BORCS5: variants seen among roughly 807,000 people sequenced by gnomAD.
BORCS5 encodes BLOC-1-related complex subunit 5.
BORCS5 carries 17 observed loss-of-function variants against 22.1 expected under a neutral mutation model. That is an observed-to-expected ratio of 0.77 (90% CI 0.53 to 1.15). The LOEUF (loss-of-function observed/expected upper bound fraction) is 1.15. Among genes scored for constraint, BORCS5 ranks in the 50% most tolerant of loss-of-function variants. The probability of loss-of-function intolerance (pLI) is 0.00; values close to 1 mark genes in which losing one functional copy is unlikely to be tolerated. For synonymous variants in BORCS5, 117 were observed against 99.8 expected (o/e 1.17, Z -1.03); for missense variants, 247 against 253.2 (o/e 0.98, Z 0.17).
intron 2 of BORCS5, among the ~76,000 whole-genome samples, chr12:12,392,579 T>C (rs913490523): frequency 6.6e-6 from 1 of 152,074 alleles, no homozygotes; most frequent in African/African-American, 2.4e-5. Flanking sequence ...CAAATCCTTA[T>C]CTCTAAACAA....
At chr12:12,363,236 G>T (rs762563831) in intron 2 of BORCS5, among the ~76,000 whole-genome samples, 3 of 151,698 alleles carry the variant, frequency 2.0e-5, no homozygotes, top group Non-Finnish European at 2.9e-5. Context: ...GGTCAAGGGT[G>T]CAGTGAGCAG....
At chr12:12,369,708 ACTT>A (rs1274694235) in intron 2 of BORCS5, among the ~76,000 whole-genome samples, 10 of 71,294 alleles carry the variant, frequency 1.4e-4, no homozygotes, top group African/African-American at 8.8e-4. Flanking sequence ...TTCACCCCCC[ACTT>A]CTTTTTTTTT....
chr12:12,404,254 C>A (rs139118638), intron 2 of BORCS5, among the ~76,000 whole-genome samples: 39 of 152,264 alleles, frequency 2.6e-4, no homozygotes, highest in African/African-American at 9.1e-4. Context: ...GATCTTTAGC[C>A]AAGGCCCAAG....
At chr12:12,460,477 C>T (rs1455217301) in intron 3 of BORCS5, among the ~76,000 whole-genome samples, 2 of 152,106 alleles carry the variant, frequency 1.3e-5, no homozygotes, top group Non-Finnish European at 2.9e-5. Flanking sequence ...AATTTCTTTG[C>T]CTTTTACTTA....
At chr12:12,465,416 G>A (rs1565943926) in intron 3 of BORCS5, 130 bp from the exon 4 acceptor site, 12 of 752,440 alleles carry the variant, frequency 1.6e-5, no homozygotes, top group Non-Finnish European at 2.0e-5. Context: ...TTTAGCCCTG[G>A]GTGCTTCCTG....
At chr12:12,443,118 G>A (rs1007188387) in intron 3 of BORCS5, among the ~76,000 whole-genome samples, 1 of 152,190 alleles carries the variant, frequency 6.6e-6, no homozygotes, top group African/African-American at 2.4e-5. Context: ...TGTTGCTATC[G>A]CCCTGACACT....
At chr12:12,415,618 A>G (rs973343395) in intron 2 of BORCS5, among the ~76,000 whole-genome samples, 7 of 135,696 alleles carry the variant, frequency 5.2e-5, no homozygotes, top group Non-Finnish European at 9.2e-5. Flanking sequence ...CTTCTAATAT[A>G]GGCTGTTACG....
intron 3 of BORCS5, among the ~76,000 whole-genome samples, chr12:12,460,050 A>G (rs758208368): frequency 2.0e-5 from 3 of 152,212 alleles, no homozygotes; most frequent in East Asian, 1.9e-4. Context: ...CTGTAAAACA[A>G]TGCCTTCTAG....
At chr12:12,366,746 T>A (rs1268449840) in intron 2 of BORCS5, among the ~76,000 whole-genome samples, 2 of 152,214 alleles carry the variant, frequency 1.3e-5, no homozygotes, top group African/African-American at 4.8e-5. Context: ...AATGAAATAT[T>A]TGCAAGAGAA....
intron 3 of BORCS5, among the ~76,000 whole-genome samples, chr12:12,453,983 T>C (rs1045678018): frequency 1.3e-5 from 2 of 152,230 alleles, no homozygotes; most frequent in African/African-American, 4.8e-5. Flanking sequence ...GTTTTCAAGG[T>C]TTATCCATGT....
At chr12:12,445,522 G>T (rs965858233) in intron 3 of BORCS5, among the ~76,000 whole-genome samples, 3,512 of 27,862 alleles carry the variant, frequency 0.13, no homozygotes, top group Middle Eastern at 0.18. Context: ...TTTTCAATTT[G>T]AAATACCTTT....
chr12:12,470,944 C>A lies in BORCS5; in HGVS notation c.*5168C>A, dbSNP rs2136173660. ...TTTTCTTCACCAATCAAGGCTCATT[C>A]CTTGAGGCATGAGTTATGCGAAAAG... is the stretch of plus-strand genomic sequence containing the variant. On this transcript the variant is annotated 3_prime_UTR_variant, in exon 4 of 4. Transcript: ENST00000314565. Among the ~76,000 whole-genome samples, 3 of 152,208 alleles carry A rather than the reference C, an allele frequency of 2.0e-5. No homozygotes were observed. Among genetic ancestry groups the A allele is most frequent in the Middle Eastern group, 6.8e-3 (2 of 294 alleles).
At chr12:12,418,510 C>A (rs1942031628) in intron 2 of BORCS5, among the ~76,000 whole-genome samples, 1 of 152,044 alleles carries the variant, frequency 6.6e-6, no homozygotes, top group Non-Finnish European at 1.5e-5. Flanking sequence ...CATAGTTAGA[C>A]CCCCATCTCT....
In BORCS5 at chr12:12,382,678, G is replaced by A. The variant is rs191282724; in HGVS notation, c.202+21329G>A. Among the ~76,000 whole-genome samples the A allele has an allele frequency of 7.7e-4, 116 of 150,736 alleles. 8 individuals carry two copies. The highest frequency in any genetic ancestry group is 3.0e-3 in the Admixed American group (45 of 15,152). On this transcript the variant is annotated intron_variant, in intron 2 of 3. Transcript: ENST00000314565. Reference sequence around the variant, plus strand: ...CTCCCAAGTAGCTGGGATTACAGGCGCGTGCCAGCATGCCTGTCTAATTTT... The same window carrying A: ...CTCCCAAGTAGCTGGGATTACAGGCACGTGCCAGCATGCCTGTCTAATTTT...
chr12:12,397,083 T>C (rs937854334), intron 2 of BORCS5, among the ~76,000 whole-genome samples: 2 of 152,214 alleles, frequency 1.3e-5, no homozygotes, highest in African/African-American at 4.8e-5. Context: ...TTGGCCTTGT[T>C]TTTGTTAAAT....
At chr12:12,450,611 C>T (rs988247391) in intron 3 of BORCS5, among the ~76,000 whole-genome samples, 4 of 152,132 alleles carry the variant, frequency 2.6e-5, no homozygotes, top group African/African-American at 9.7e-5. Flanking sequence ...TTCAAAAAGG[C>T]ATTAAACACA....
chr12:12,408,698 A>T (rs1355522787), intron 2 of BORCS5, among the ~76,000 whole-genome samples: 1 of 152,188 alleles, frequency 6.6e-6, no homozygotes, highest in African/African-American at 2.4e-5. Context: ...TGTCCTCAAG[A>T]TTCACCCATG....
At chr12:12,382,231 A>G (rs1013526214) in intron 2 of BORCS5, among the ~76,000 whole-genome samples, 3 of 151,340 alleles carry the variant, frequency 2.0e-5, no homozygotes, top group African/African-American at 7.3e-5. Context: ...AAAACTTTCA[A>G]TCATGGAGGA....
At chr12:12,415,224 C>G (rs979598617) in intron 2 of BORCS5, among the ~76,000 whole-genome samples, 1 of 151,148 alleles carries the variant, frequency 6.6e-6, no homozygotes, top group Admixed American at 6.6e-5. Flanking sequence ...TTGTAGCGAG[C>G]CGAGATCACG....
Sources: allele counts gnomAD v4.1 joint callset (sites outside exome capture counted in the v4.1 genomes callset), GRCh38; gene constraint gnomAD v4.1.1; transcripts MANE v1.5; gene names NCBI Gene and HGNC (gene_info 2026-07-23, HGNC 2026-07-21).